MPHOSPH6: variants seen among roughly 807,000 people sequenced by gnomAD.
The protein encoded by MPHOSPH6 is M-phase phosphoprotein 6.
In MPHOSPH6, 25 loss-of-function variants were observed where a neutral mutation model predicts 21.8. The ratio of observed to expected loss-of-function variants is 1.15; its 90% CI spans 0.83 to 1.60. The LOEUF is 1.60. MPHOSPH6 is among the 40% of genes most tolerant of loss of function. The probability of loss-of-function intolerance (pLI) is 0.00; values close to 1 mark genes in which losing one functional copy is unlikely to be tolerated. For synonymous variants in MPHOSPH6, 84 were observed against 56.5 expected, an observed-to-expected ratio of 1.49 and a Z score of -2.18; for missense variants, 269 against 181.8, an observed-to-expected ratio of 1.48 and a Z score of -2.76.
intron 1 of MPHOSPH6, among the ~76,000 whole-genome samples, chr16:82,167,813 G>A (rs1237144154): frequency 1.3e-5 from 2 of 152,164 alleles, no homozygotes; most frequent in Non-Finnish European, 2.9e-5. Context: ...TCGCTTGCCT[G>A]CCCGCTGCTC....
chr16:82,151,667 C>T (rs896226507), intron 2 of MPHOSPH6, among the ~76,000 whole-genome samples, 153 bp from the exon 3 acceptor site: 8 of 152,194 alleles, frequency 5.3e-5, no homozygotes, highest in African/African-American at 1.9e-4. Context: ...AAAATAAAAT[C>T]TGATTAATTT....
chr16:82,149,497 A>G (rs1220472076), intron 3 of MPHOSPH6, 94 bp from the exon 4 acceptor site: 1 of 1,031,010 alleles, frequency 9.7e-7, no homozygotes, highest in African/African-American at 1.6e-5. Context: ...ACTGAAGTCA[A>G]ATAATCTAGA....
Position 82,155,859 on chromosome 16 carries a change from T to C in MPHOSPH6, c.165-4345A>G, listed in dbSNP as rs151270783. Among the ~76,000 whole-genome samples the C allele has an allele frequency of 9.1e-3, 1,376 of 151,100 alleles. 14 individuals are homozygous for C. The highest frequency in any genetic ancestry group is 0.016 in the Non-Finnish European group (1,066 of 67,820). ...GGTGGAGGTTGCGGTGAGCCAAGAT[T>C]GCGCCACTGCACTCCAGCCTGGGTG... is the stretch of plus-strand genomic sequence containing the variant. On this transcript the variant is annotated intron_variant, in intron 2 of 4. Coordinates refer to ENST00000258169, the MANE Select transcript of MPHOSPH6 (RefSeq NM_005792.2).
intron 1 of MPHOSPH6, 116 bp downstream of exon 1, chr16:82,170,009 G>T (rs1179748590): frequency 2.6e-6 from 3 of 1,159,348 alleles, no homozygotes; most frequent in Non-Finnish European, 3.6e-6. Flanking sequence ...CACGAGAGCT[G>T]GAAGCCCTCT....
chr16:82,167,048 G>A (rs994252525), intron 1 of MPHOSPH6, among the ~76,000 whole-genome samples: 2 of 152,148 alleles, frequency 1.3e-5, no homozygotes, highest in African/African-American at 2.4e-5. Context: ...AAGTTTTACT[G>A]GTACACAACC....
chr16:82,169,932 A>G (rs986349608), intron 1 of MPHOSPH6, among the ~76,000 whole-genome samples, 193 bp downstream of exon 1: 2 of 152,048 alleles, frequency 1.3e-5, no homozygotes, highest in Non-Finnish European at 2.9e-5. Flanking sequence ...CTCCTGAGAG[A>G]GTCGGCCTAA....
In MPHOSPH6 at chr16:82,165,124, TTTTTTTTTA is replaced by T. The variant is rs1423720783; in HGVS notation, c.52-939_52-931del. Among the ~76,000 whole-genome samples the T allele has an allele frequency of 5.6e-4, 54 of 96,608 alleles. 4 individuals are homozygous for T. The Middle Eastern group carries it at 0.019, about 34-fold the overall frequency. 63.4% of individuals were successfully genotyped at this position (96,608 alleles called of 152,430 possible). On this transcript the variant is annotated intron_variant, in intron 1 of 4. Coordinates refer to ENST00000258169, the MANE Select transcript of MPHOSPH6 (RefSeq NM_005792.2). ...TCAGGTCCGATATTTCTTTTTTATT[TTTTTTTTTA>T]TTTTTTTTTTTTGAGACAGAGTCTC... is the stretch of plus-strand genomic sequence containing the variant.
rs1381241658 is a variant in MPHOSPH6 at position 82,151,348 on chromosome 16, A to C, written c.255+76T>G. On this transcript the variant is annotated intron_variant, in intron 3 of 4. Transcript: ENST00000258169. ...GAGTAGAAATGGTACCTGGTGGAGA[A>C]ACACCTAAGCCCAATTATTAGCAGA... The C allele has an allele frequency of 3.2e-6, 5 of 1,575,888 alleles. No individual in the cohort carries two copies. In the African/African-American group the frequency reaches 6.8e-5, roughly 21 times the overall value.
intron 2 of MPHOSPH6, 51 bp from the exon 3 acceptor site, chr16:82,151,565 C>T (rs774859010): frequency 6.6e-7 from 1 of 1,506,970 alleles, no homozygotes; most frequent in Non-Finnish European, 8.9e-7. Context: ...GCACAGCAAA[C>T]AAAAGCCAAC....
At chr16:82,163,168 T>C (rs1906658725) in intron 2 of MPHOSPH6, among the ~76,000 whole-genome samples, 1 of 152,164 alleles carries the variant, frequency 6.6e-6, no homozygotes, top group African/African-American at 2.4e-5. Context: ...CAGGGGAATA[T>C]AACATTCCAA....
intron 2 of MPHOSPH6, among the ~76,000 whole-genome samples, chr16:82,163,547 T>A (rs1906670032): frequency 6.6e-6 from 1 of 152,214 alleles, no homozygotes; most frequent in African/African-American, 2.4e-5. Flanking sequence ...AGGCAGTTCC[T>A]AAGTTTGCTA....
At chr16:82,161,124 T>G (rs1469317764) in intron 2 of MPHOSPH6, among the ~76,000 whole-genome samples, 1 of 152,210 alleles carries the variant, frequency 6.6e-6, no homozygotes, top group Non-Finnish European at 1.5e-5. Flanking sequence ...GTTCAACCAG[T>G]TCTTCGGTAT....
At chr16:82,163,655 T>C (rs1004275425) in intron 2 of MPHOSPH6, among the ~76,000 whole-genome samples, 21 of 152,216 alleles carry the variant, frequency 1.4e-4, no homozygotes, top group African/African-American at 4.3e-4. Context: ...GTATTACAAG[T>C]AGTAACAATT....
chr16:82,154,587 C>T (rs1253254629), intron 2 of MPHOSPH6, among the ~76,000 whole-genome samples: 1 of 151,052 alleles, frequency 6.6e-6, no homozygotes, highest in African/African-American at 2.4e-5. Flanking sequence ...AAGAAAGAAA[C>T]AGAAAGCCTG....
chr16:82,150,697 G>T (rs909554402), intron 3 of MPHOSPH6, among the ~76,000 whole-genome samples: 1 of 152,192 alleles, frequency 6.6e-6, no homozygotes, highest in Admixed American at 6.5e-5. Context: ...CAGGGATGTG[G>T]TTCGTCATTC....
intron 1 of MPHOSPH6, among the ~76,000 whole-genome samples, chr16:82,167,180 TGA>T (rs1366008926): frequency 2.0e-5 from 3 of 152,238 alleles, no homozygotes; most frequent in Non-Finnish European, 4.4e-5. Flanking sequence ...AGCCCTGTTC[TGA>T]GAGTCTAACA....
chr16:82,152,226 T>C (rs543103116), intron 2 of MPHOSPH6, among the ~76,000 whole-genome samples: 5 of 152,312 alleles, frequency 3.3e-5, no homozygotes, highest in South Asian at 2.1e-4. Context: ...AAAATTTCAA[T>C]AGTTTTTGGG....
Position 82,149,852 on chromosome 16 carries a change from AGAAGTG to A in MPHOSPH6, c.256-455_256-450del, listed in dbSNP as rs1906207192. On this transcript the variant is annotated intron_variant, in intron 3 of 4. Coordinates refer to ENST00000258169, the MANE Select transcript of MPHOSPH6 (RefSeq NM_005792.2). ...GGTGGTGGTGAGTGGAGGAGGTGGGAGAAGTGGAAGGCTGGCCCTGTTTAATGGAGG... is the reference window on the plus strand; with the variant it reads ...GGTGGTGGTGAGTGGAGGAGGTGGGAGAAGGCTGGCCCTGTTTAATGGAGG... Among the ~76,000 whole-genome samples, 4 of 152,096 alleles carry A rather than the reference AGAAGTG, an allele frequency of 2.6e-5. No homozygotes were observed. In the South Asian group the frequency reaches 8.3e-4, roughly 32 times the overall value.
chr16:82,149,179 C>A (rs768880846), intron 4 of MPHOSPH6, 130 bp downstream of exon 4: 5 of 995,624 alleles, frequency 5.0e-6, no homozygotes, highest in Non-Finnish European at 7.7e-6. Context: ...AAGAGAAGGC[C>A]GATCACAGTC....
Sources: allele counts gnomAD v4.1 joint callset (sites outside exome capture counted in the v4.1 genomes callset), GRCh38; gene constraint gnomAD v4.1.1; transcripts MANE v1.5; gene names NCBI Gene and HGNC (gene_info 2026-07-23, HGNC 2026-07-21).